The following FOXP2 variants were observed in gnomAD, a reference collection of about 807,000 sequenced individuals.
FOXP2 encodes the protein forkhead box protein P2.
FOXP2 carries 12 observed loss-of-function variants against 115.8 expected under a neutral mutation model. The ratio of observed to expected loss-of-function variants is 0.10; its 90% CI spans 0.07 to 0.17. The LOEUF is 0.17. FOXP2 is among the 10% of genes least tolerant of loss of function. FOXP2 has a pLI of 1.00. For synonymous variants in FOXP2, 328 were observed against 297.7 expected (o/e 1.10, Z -1.05); for missense variants, 629 against 843.5 (o/e 0.75, Z 3.15).
chr7:114,586,251 A>G (rs1427548079), intron 3 of FOXP2, among the ~76,000 whole-genome samples: 1 of 152,100 alleles, frequency 6.6e-6, no homozygotes, highest in Non-Finnish European at 1.5e-5. Context: ...GTTTAAAAAG[A>G]GTTTTATACA....
At chr7:114,409,784 A>C (rs988384738), upstream of FOXP2, among the ~76,000 whole-genome samples, 11 of 152,090 alleles carry the variant, frequency 7.2e-5, no homozygotes, top group Non-Finnish European at 1.5e-4. Context: ...GTCTAAATTA[A>C]CTTTCCTAAA....
intron 1 of FOXP2, among the ~76,000 whole-genome samples, chr7:114,177,431 A>T (rs1307146543): frequency 1.3e-5 from 2 of 152,160 alleles, no homozygotes; most frequent in Non-Finnish European, 2.9e-5. Context: ...GTGGGTAATA[A>T]TTCATTTGTT....
chr7:114,642,810 A>ATTTTTT (rs1277733394), intron 7 of FOXP2, among the ~76,000 whole-genome samples, 187 bp downstream of exon 7: 23 of 75,762 alleles, frequency 3.0e-4, no homozygotes, highest in Non-Finnish European at 4.6e-4. Flanking sequence ...ATATATATAT[A>ATTTTTT]TATTTTTTTT....
upstream of FOXP2, chr7:114,087,734 A>C (rs1799451791): frequency 6.6e-6 from 1 of 151,412 alleles, no homozygotes. Context: ...ACGCGCCCTG[A>C]CACCCGACCT....
intron 1 of FOXP2, among the ~76,000 whole-genome samples, chr7:114,155,435 A>T (rs1792637909): frequency 6.6e-6 from 1 of 152,156 alleles, no homozygotes; most frequent in African/African-American, 2.4e-5. Context: ...GCAGACCCTT[A>T]AAATAATTAA....
intron 6 of FOXP2, among the ~76,000 whole-genome samples, chr7:114,634,780 T>G (rs1001691424): frequency 6.6e-6 from 1 of 152,136 alleles, no homozygotes; most frequent in Non-Finnish European, 1.5e-5. Flanking sequence ...AACATTTTAA[T>G]GAACCAGGAT....
At chr7:114,668,314 C>T (rs1418354537) in intron 16 of FOXP2, 1 of 152,004 alleles carries the variant, frequency 6.6e-6, no homozygotes, top group Non-Finnish European at 1.5e-5. Flanking sequence ...TTGTGGAGAA[C>T]AAGAGATGCC....
upstream of FOXP2, chr7:114,086,723 C>T: frequency 3.1e-5 from 7 of 227,534 alleles, no homozygotes; most frequent in South Asian, 2.9e-4. Flanking sequence ...GCTCCTCCCG[C>T]GGTGGCGACA....
At chr7:114,197,446 G>A (rs1425607686) in intron 1 of FOXP2, among the ~76,000 whole-genome samples, 2 of 152,120 alleles carry the variant, frequency 1.3e-5, no homozygotes, top group Non-Finnish European at 2.9e-5. Flanking sequence ...GAGTTTGAGG[G>A]CTCTGTGTCT....
chr7:114,631,178 T>G, intron 5 of FOXP2: 2 of 300,058 alleles, frequency 6.7e-6, no homozygotes, highest in Non-Finnish European at 1.3e-5. Flanking sequence ...AAAAAAAGTG[T>G]GTCGTAGAAG....
At chr7:114,217,066 A>G (rs1259298147) in intron 1 of FOXP2, among the ~76,000 whole-genome samples, 4 of 152,228 alleles carry the variant, frequency 2.6e-5, no homozygotes, top group African/African-American at 9.6e-5. Context: ...GTTTTAAAAT[A>G]ACTATTTGAA....
intron 1 of FOXP2, among the ~76,000 whole-genome samples, chr7:114,110,956 T>C (rs1791252679): frequency 6.6e-6 from 1 of 152,118 alleles, no homozygotes; most frequent in Non-Finnish European, 1.5e-5. Flanking sequence ...AGTATGATCT[T>C]AGAACACCCA....
chr7:114,301,386 C>A (rs566226177), intron 2 of FOXP2, among the ~76,000 whole-genome samples: 2 of 152,236 alleles, frequency 1.3e-5, no homozygotes, highest in East Asian at 3.9e-4. Context: ...GATGCAATGG[C>A]ATTCCTCATT....
chr7:114,199,082 A>G (rs1793989288), intron 1 of FOXP2, among the ~76,000 whole-genome samples: 3 of 152,162 alleles, frequency 2.0e-5, no homozygotes. Flanking sequence ...CAGTGGGGTG[A>G]TCCTAGCTCA....
rs1370271028 is a variant in FOXP2 at position 114,432,167 on chromosome 7, A to T, written c.168+5488A>T. 5.3e-5 allele frequency among the ~76,000 whole-genome samples: 8 copies of T among 152,084 alleles called. No homozygotes were observed. The East Asian group carries it at 1.5e-3, about 29-fold the overall frequency. On this transcript the variant is annotated intron_variant, in intron 2 of 16. Transcript: ENST00000350908. ...AAGAGGCCATTGGGAGTTTTAATTA[A>T]TGTCAGTTAGGAAGATACATTGTTC...
At chr7:114,224,808 G>A (rs1177873977) in intron 1 of FOXP2, among the ~76,000 whole-genome samples, 1 of 152,080 alleles carries the variant, frequency 6.6e-6, no homozygotes, top group Admixed American at 6.6e-5. Context: ...TGTGCACATA[G>A]CATGCCTGGC....
chr7:114,664,836 G>A (rs1807079456), intron 16 of FOXP2: 1 of 211,972 alleles, frequency 4.7e-6, no homozygotes, highest in South Asian at 7.3e-5. Context: ...TTTATGAACT[G>A]TAGTCAAGAT....
intron 1 of FOXP2, among the ~76,000 whole-genome samples, chr7:114,150,109 CAATTTGGCTTATTT>C (rs1792492700): frequency 6.6e-6 from 1 of 151,912 alleles, no homozygotes; most frequent in Non-Finnish European, 1.5e-5. Flanking sequence ...TTTATTTAGT[CAATTTGGCTTATTT>C]GATTTTACTT....
intron 1 of FOXP2, among the ~76,000 whole-genome samples, chr7:114,208,205 A>G (rs1257158791): frequency 6.6e-6 from 1 of 152,142 alleles, no homozygotes; most frequent in Non-Finnish European, 1.5e-5. Flanking sequence ...ATGGGAACCC[A>G]CCGCTTTCAT....
Sources: allele counts gnomAD v4.1 joint callset (sites outside exome capture counted in the v4.1 genomes callset), GRCh38; gene constraint gnomAD v4.1.1; transcripts MANE v1.5; gene names NCBI Gene and HGNC (gene_info 2026-07-23, HGNC 2026-07-21).